The following SFMBT2 variants were observed in gnomAD, a reference collection of about 807,000 sequenced individuals.
SFMBT2 encodes the protein scm-like with four MBT domains protein 2.
Under a neutral mutation model 110.1 loss-of-function variants are expected in SFMBT2, and 38 were observed. The observed-to-expected ratio is 0.35, with a 90% CI of 0.27 to 0.45. The LOEUF is 0.45. SFMBT2 is among the 20% of genes least tolerant of loss of function. The pLI, the probability that SFMBT2 is intolerant of heterozygous loss-of-function variation, is 1.00. For synonymous variants in SFMBT2, 425 were observed against 425.4 expected, an observed-to-expected ratio of 1.00 and a Z score of 0.01; for missense variants, 1,011 against 1,094.9, an observed-to-expected ratio of 0.92 and a Z score of 1.08.
chr10:7,403,013 A>G (rs945044992), intron 1 of SFMBT2, among the ~76,000 whole-genome samples: 1 of 152,186 alleles, frequency 6.6e-6, no homozygotes, highest in African/African-American at 2.4e-5. Context: ...ATTATTTTCT[A>G]ATCAAGATGA....
chr10:7,164,528 C>T (rs768417086), intron 20 of SFMBT2: 22 of 819,780 alleles, frequency 2.7e-5, no homozygotes, highest in Non-Finnish European at 2.9e-5. Flanking sequence ...CCAAGCTTAT[C>T]GCCCCTTGCT....
At chr10:7,315,331 G>A (rs376169105) in intron 4 of SFMBT2, among the ~76,000 whole-genome samples, 8 of 152,214 alleles carry the variant, frequency 5.3e-5, no homozygotes, top group Non-Finnish European at 7.3e-5. Flanking sequence ...CCCATCCATC[G>A]CAGGCCTGTA....
rs974534175 is a variant in SFMBT2 at position 7,301,564 on chromosome 10, C to A, written c.437-15610G>T. Among the ~76,000 whole-genome samples, 1 of 152,214 alleles carries A rather than the reference C, an allele frequency of 6.6e-6. No homozygotes were observed. Among genetic ancestry groups the A allele is most frequent in the Non-Finnish European group, 1.5e-5 (1 of 68,030 alleles). The stretch of plus-strand genomic sequence containing the variant: ...CCACTGAGACAGTGGGGGCAGGTCC[C>A]CGGGGCCGGCAAATTCGCGGAACAC... On this transcript the variant is annotated intron_variant, in intron 4 of 20. Transcript: ENST00000397167. The surrounding 1 kb of genome is among the most constrained non-coding windows in gnomAD (Gnocchi z 4.2).
Position 7,197,698 on chromosome 10 carries a change from C to G in SFMBT2, c.1559-11G>C. 1.2e-6 allele frequency: 2 copies of G among 1,613,094 alleles called. No homozygotes were observed. Among genetic ancestry groups the G allele is most frequent in the Non-Finnish European group, 8.5e-7 (1 of 1,179,698 alleles). ...TCCCGTTGACGGTTCCTGCAGGGGA[C>G]AGCAACATAGTCCATGCTTAGGACC... On this transcript the variant is annotated splice_polypyrimidine_tract_variant and intron_variant, in intron 14 of 20. Coordinates refer to ENST00000397167, the MANE Select transcript of SFMBT2 (RefSeq NM_001387889.1).
chr10:7,329,702 G>GC (rs774684563), intron 4 of SFMBT2: 85 of 159,208 alleles, frequency 5.3e-4, no homozygotes, highest in Middle Eastern at 3.2e-3. Flanking sequence ...TGGCCACAGC[G>GC]CCTATACATG....
intron 4 of SFMBT2, among the ~76,000 whole-genome samples, chr10:7,338,856 G>A (rs1455509666): frequency 6.6e-6 from 1 of 152,144 alleles, no homozygotes; most frequent in Non-Finnish European, 1.5e-5. Flanking sequence ...AGGTTATTTT[G>A]TCTCTCAATG....
intron 1 of SFMBT2, among the ~76,000 whole-genome samples, chr10:7,384,756 C>G (rs1845541405): frequency 6.6e-6 from 1 of 152,082 alleles, no homozygotes. Flanking sequence ...CTAAAAGAAC[C>G]CTCCGAATGA....
chr10:7,247,781 A>G (rs1479660084), intron 8 of SFMBT2, among the ~76,000 whole-genome samples: 1 of 152,266 alleles, frequency 6.6e-6, no homozygotes, highest in African/African-American at 2.4e-5. Flanking sequence ...ACCATTTGTA[A>G]GAGAATACTT....
chr10:7,191,407 G>A (rs985371080), intron 15 of SFMBT2, among the ~76,000 whole-genome samples: 1 of 152,110 alleles, frequency 6.6e-6, no homozygotes, highest in Non-Finnish European at 1.5e-5. Context: ...TCCACCTCAC[G>A]CTCTGAGAGC....
rs994579913 is a variant in SFMBT2, at chr10:7,176,280, C to T, written c.1809-115G>A. On this transcript the variant is annotated intron_variant, in intron 16 of 20. Transcript: ENST00000397167. ...CATTTTCCAATGACAAAGCATATCGCGTGCAGTTTCCCATGTTGCTTCTGT... is the reference window on the plus strand; with the variant it reads ...CATTTTCCAATGACAAAGCATATCGTGTGCAGTTTCCCATGTTGCTTCTGT... The T allele has an allele frequency of 2.7e-5, 31 of 1,156,730 alleles. 1 individual carries two copies. Among genetic ancestry groups the T allele is most frequent in the South Asian group, 2.3e-4 (15 of 66,612 alleles). The allele number at this position is 1,156,730 out of a possible 1,614,324, so 71.7% of individuals were successfully genotyped here. A position where few individuals can be genotyped will look rare whatever the true frequency, so the allele number is the denominator to read the frequency against.
At position 7,381,832 on chromosome 10, in the gene SFMBT2, C is replaced by G; in HGVS notation, c.67G>C (p.Gly23Arg). The G allele has an allele frequency of 6.2e-7, 1 of 1,613,494 alleles. No homozygotes were observed. Among genetic ancestry groups the G allele is most frequent in the Non-Finnish European group, 8.5e-7 (1 of 1,179,736 alleles). The change falls in exon 2 of 21, where the codon GGC becomes CGC. Residue 23 changes from glycine (G) to arginine (R), a missense_variant. Gly to Arg is a moderately radical substitution (Grantham distance 125). Transcript: ENST00000397167. ...PSSSPLEKCLGSANGNGDLDS... is the reference protein window; with the variant it reads ...PSSSPLEKCLRSANGNGDLDS... ...AGGTCTCCATTTCCATTAGCTGAGC[C>G]GAGACACTTTTCCAAGGGTGAAGAT... is the stretch of plus-strand genomic sequence containing the variant.
chr10:7,272,598 C>T (rs780485208), intron 7 of SFMBT2, among the ~76,000 whole-genome samples: 2 of 152,202 alleles, frequency 1.3e-5, no homozygotes, highest in Non-Finnish European at 2.9e-5. Flanking sequence ...GGAACCAACA[C>T]TGCAGGCCAG....
chr10:7,262,329 C>A (rs12773538), intron 7 of SFMBT2, among the ~76,000 whole-genome samples: 47,985 of 152,024 alleles, frequency 0.32, 9,812 homozygotes, highest in East Asian at 0.81. Flanking sequence ...GAATTATAAT[C>A]TTTTCTTAAT....
At chr10:7,390,111 A>C (rs1407279597) in intron 1 of SFMBT2, among the ~76,000 whole-genome samples, 1 of 152,024 alleles carries the variant, frequency 6.6e-6, no homozygotes, top group Non-Finnish European at 1.5e-5. Flanking sequence ...CAGTACAGTA[A>C]CCACTAGCCA....
intron 14 of SFMBT2, among the ~76,000 whole-genome samples, chr10:7,199,964 C>G (rs1838898984): frequency 6.6e-6 from 1 of 152,200 alleles, no homozygotes; most frequent in East Asian, 1.9e-4. Flanking sequence ...ATATATTATT[C>G]ACAACCAGCT....
chr10:7,407,954 T>C (rs1024579774), intron 1 of SFMBT2, among the ~76,000 whole-genome samples: 4 of 152,094 alleles, frequency 2.6e-5, no homozygotes, highest in African/African-American at 9.7e-5. Flanking sequence ...GCCGGGCTCC[T>C]GCCCAGTCTC....
intron 3 of SFMBT2, among the ~76,000 whole-genome samples, chr10:7,369,351 A>C (rs1345851229): frequency 6.6e-6 from 1 of 152,226 alleles, no homozygotes. Flanking sequence ...CTATTAAAAC[A>C]AAAATTAAAG....
At position 7,370,277 on chromosome 10, in the gene SFMBT2, A is replaced by G. The variant is rs185360536; in HGVS notation, c.195+4T>C. On this transcript the variant is annotated splice_donor_region_variant and intron_variant, in intron 3 of 20. Coordinates refer to ENST00000397167, the MANE Select transcript of SFMBT2 (RefSeq NM_001387889.1). ...ACAGAGAAGACACAAGCTGCTTTAC[A>G]TACGTGTTTGAATGATGTGTGGGGA... 7.4e-6 allele frequency: 12 copies of G among 1,612,552 alleles called. No homozygotes were observed. The East Asian group carries it at 1.6e-4, about 21-fold the overall frequency.
At chr10:7,377,873 C>T (rs1048317140) in intron 2 of SFMBT2, among the ~76,000 whole-genome samples, 20 of 149,004 alleles carry the variant, frequency 1.3e-4, no homozygotes, top group Admixed American at 9.6e-4. Flanking sequence ...AAATGTGTCA[C>T]GGGACACAGG....
Sources: gnomAD v4.1 joint callset for allele counts (sites outside exome capture counted in the v4.1 genomes callset) on GRCh38, gnomAD v4.1.1 for gene constraint, Gnocchi (gnomAD v3.1) non-coding constraint, MANE v1.5 for transcripts, NCBI Gene and HGNC (gene_info 2026-07-23, HGNC 2026-07-21) for gene names.